Variants in CSPP1 observed in about 807,000 individuals in gnomAD.
CSPP1 encodes centrosome and spindle pole associated protein 1.
Under a neutral mutation model 164.4 loss-of-function variants are expected in CSPP1, and 126 were observed. The ratio of observed to expected loss-of-function variants is 0.77; its 90% CI spans 0.66 to 0.89. The LOEUF (loss-of-function observed/expected upper bound fraction) is 0.89. Ranked by LOEUF, CSPP1 falls within the 40% of genes least tolerant of loss-of-function variation. The probability of loss-of-function intolerance (pLI) is 0.00; values close to 1 mark genes in which losing one functional copy is unlikely to be tolerated. For missense variants in CSPP1, 1,395 were observed against 1,449.8 expected (o/e 0.96, Z 0.61); for synonymous variants, 472 against 476.7 (o/e 0.99, Z 0.13).
At position 67,066,624 on chromosome 8, in the gene CSPP1, G is replaced by A. The variant is rs146674361; in HGVS notation, c.-11+2086G>A. On this transcript the variant is annotated intron_variant, in intron 1 of 30. Coordinates refer to ENST00000678616, the MANE Select transcript of CSPP1 (RefSeq NM_001382391.1). Reference sequence around the variant, plus strand: ...TTCAGATTGATTTCTTCGTATCTCCGGTGTATCCATTATGGATATCTCACA... The same window carrying A: ...TTCAGATTGATTTCTTCGTATCTCCAGTGTATCCATTATGGATATCTCACA... Among the ~76,000 whole-genome samples, 270 of 151,922 alleles carry A rather than the reference G, an allele frequency of 1.8e-3. 3 individuals carry two copies. The highest frequency in any genetic ancestry group is 6.3e-3 in the African/African-American group (259 of 41,404).
intron 3 of CSPP1, among the ~76,000 whole-genome samples, chr8:67,078,294 T>A (rs1808376504): frequency 6.6e-6 from 1 of 152,154 alleles, no homozygotes; most frequent in Non-Finnish European, 1.5e-5. Flanking sequence ...CGTGAAAAGA[T>A]GGCTGGCACG....
intron 7 of CSPP1, among the ~76,000 whole-genome samples, chr8:67,100,922 A>C (rs1027394601): frequency 6.6e-6 from 1 of 151,982 alleles, no homozygotes; most frequent in Non-Finnish European, 1.5e-5. Context: ...AGGTTGGGTG[A>C]TTTGCTAGGA....
chr8:67,164,074 G>A (rs950583819), intron 23 of CSPP1, among the ~76,000 whole-genome samples: 2 of 152,144 alleles, frequency 1.3e-5, no homozygotes, highest in Admixed American at 6.5e-5. Context: ...TGCACAGTTT[G>A]TGCGACTACC....
intron 24 of CSPP1, among the ~76,000 whole-genome samples, chr8:67,171,399 CAA>C (rs1228742360): frequency 6.6e-6 from 1 of 151,294 alleles, no homozygotes; most frequent in Admixed American, 6.6e-5. Context: ...GACTCCACCT[CAA>C]AAAAAGAGAC....
chr8:67,190,569 TA>T, intron 28 of CSPP1, 80 bp from the exon 29 acceptor site: 1 of 995,838 alleles, frequency 1.0e-6, no homozygotes, highest in Non-Finnish European at 1.6e-6. Flanking sequence ...AAAATCTTAG[TA>T]ATTAAAAGGC....
Position 67,163,785 on chromosome 8 carries a change from G to A in CSPP1, c.2697G>A (p.Gln899=), listed in dbSNP as rs1828819006. ...CCCCGGTACCTGCCAGGAAAAATCA[G>A]CTCCGTGCAGAAGGTAGAGTTAACT... ...QSPPVPARKN[Q]LRAEEEKKNV... The change falls in exon 23 of 31, where the codon CAG becomes CAA. Residue 899 remains glutamine, a synonymous_variant. Transcript: ENST00000678616. 4.3e-6 allele frequency: 7 copies of A among 1,612,860 alleles called. No individual in the cohort carries two copies. The highest frequency in any genetic ancestry group is 5.1e-6 in the Non-Finnish European group (6 of 1,179,018).
chr8:67,164,194 A>C (rs925895963), intron 23 of CSPP1, among the ~76,000 whole-genome samples, 197 bp from the exon 24 acceptor site: 1 of 152,186 alleles, frequency 6.6e-6, no homozygotes. Flanking sequence ...CCTATATTAT[A>C]AAAAATGTAC....
intron 3 of CSPP1, chr8:67,084,325 C>T (rs1809930936): frequency 1.3e-5 from 2 of 152,088 alleles, no homozygotes; most frequent in Admixed American, 1.3e-4. Flanking sequence ...AAGAGAATTC[C>T]AGTGTTGATA....
At position 67,086,889 on chromosome 8, in the gene CSPP1, T is replaced by C. The variant is rs755358804; in HGVS notation, c.303+779T>C. On this transcript the variant is annotated intron_variant, in intron 4 of 30. Coordinates refer to ENST00000678616, the MANE Select transcript of CSPP1 (RefSeq NM_001382391.1). ...ACGTCCTCCTTCAGTTTTTTCTTTCTTTTTTTTTTTTTTTACGATCTAGAA... is the reference window on the plus strand; with the variant it reads ...ACGTCCTCCTTCAGTTTTTTCTTTCCTTTTTTTTTTTTTTACGATCTAGAA... 1.8e-3 allele frequency: 381 copies of C among 207,388 alleles called. 1 individual carries two copies. The South Asian group carries it at 0.042, about 23-fold the overall frequency. 12.8% of individuals were successfully genotyped at this position (207,388 alleles called of 1,614,324 possible).
At chr8:67,147,516 G>T (rs561659503) in intron 17 of CSPP1, among the ~76,000 whole-genome samples, 3 of 151,934 alleles carry the variant, frequency 2.0e-5, no homozygotes, top group East Asian at 3.9e-4. Flanking sequence ...CCTCTTATTG[G>T]CTATTTTTCC....
At position 67,149,924 on chromosome 8, in the gene CSPP1, A is replaced by G. The variant is rs1825359929; in HGVS notation, c.2117A>G (p.Asn706Ser). ...SNAENLEDAA[N>S]KSSGHMQTQS... is the part of the protein sequence containing the mutation. Reference sequence around the variant, plus strand: ...GCTGAGAACCTAGAAGATGCTGCAAATAAAAGCTCAGGTTTTTAATCACTT... The same window carrying G: ...GCTGAGAACCTAGAAGATGCTGCAAGTAAAAGCTCAGGTTTTTAATCACTT... The change falls in exon 18 of 31, where the codon AAT (asparagine) becomes AGT (serine). Residue 706 changes from asparagine to serine, a missense_variant. Asn to Ser is a conservative substitution (Grantham distance 46, BLOSUM62 1). Transcript: ENST00000678616. 1.3e-6 allele frequency: 2 copies of G among 1,561,744 alleles called. No homozygotes were observed. The highest frequency in any genetic ancestry group is 2.2e-5 in the Admixed American group (1 of 45,454).
intron 18 of CSPP1, among the ~76,000 whole-genome samples, chr8:67,153,595 C>T (rs896771150): frequency 4.0e-5 from 6 of 151,788 alleles, no homozygotes; most frequent in African/African-American, 9.7e-5. Context: ...TTTTTAAAAA[C>T]GGTTTTAGAA....
At chr8:67,067,031 C>T (rs1281674001) in intron 1 of CSPP1, among the ~76,000 whole-genome samples, 1 of 152,224 alleles carries the variant, frequency 6.6e-6, no homozygotes, top group Non-Finnish European at 1.5e-5. Flanking sequence ...GCTGGGATTA[C>T]AGGCGTGAGC....
chr8:67,182,143 C>T (rs1833204189), intron 28 of CSPP1, among the ~76,000 whole-genome samples: 4 of 152,114 alleles, frequency 2.6e-5, no homozygotes, highest in Admixed American at 2.0e-4. Context: ...GCTGAGACTA[C>T]AGGCACACAC....
intron 19 of CSPP1, among the ~76,000 whole-genome samples, chr8:67,156,992 G>T (rs906932952): frequency 2.0e-4 from 30 of 152,148 alleles, no homozygotes; most frequent in Admixed American, 1.0e-3. Flanking sequence ...GATCCATTAG[G>T]TGTATGATCC....
chr8:67,096,516 G>C (rs1248385504), intron 7 of CSPP1, among the ~76,000 whole-genome samples: 1 of 151,442 alleles, frequency 6.6e-6, no homozygotes, highest in African/African-American at 2.4e-5. Context: ...AGTGAGCAGA[G>C]ATCACGCCAC....
chr8:67,107,382 A>T (rs1815797896), intron 9 of CSPP1, among the ~76,000 whole-genome samples: 1 of 152,168 alleles, frequency 6.6e-6, no homozygotes, highest in Admixed American at 6.5e-5. Flanking sequence ...AATAAGAGAA[A>T]TGTCTTTCTG....
chr8:67,079,616 A>G (rs868729309), intron 3 of CSPP1, among the ~76,000 whole-genome samples: 1 of 152,216 alleles, frequency 6.6e-6, no homozygotes. Context: ...ATATATTTGC[A>G]TAAAACAAAT....
chr8:67,194,058 G>T (rs1368098193), intron 30 of CSPP1, among the ~76,000 whole-genome samples: 4 of 146,086 alleles, frequency 2.7e-5, no homozygotes, highest in African/African-American at 1.1e-4. Context: ...GTCAAATAAA[G>T]CTAGTCGTCT....
Sources: gnomAD v4.1 joint callset for allele counts (sites outside exome capture counted in the v4.1 genomes callset) on GRCh38, gnomAD v4.1.1 for gene constraint, MANE v1.5 for transcripts, NCBI Gene and HGNC (gene_info 2026-07-23, HGNC 2026-07-21) for gene names.